TSEN15: variants seen among roughly 807,000 people sequenced by gnomAD.
The protein encoded by TSEN15 is tRNA splicing endonuclease subunit 15.
A neutral mutation model predicts 20.5 loss-of-function variants in TSEN15; 10 were observed. The observed-to-expected ratio is 0.49, with a 90% CI of 0.30 to 0.83. The LOEUF (loss-of-function observed/expected upper bound fraction) is 0.83, where lower values mean the gene tolerates loss of function less well. Among genes scored for constraint, TSEN15 ranks in the 40% least tolerant of loss-of-function variants. The probability of loss-of-function intolerance (pLI) is 0.06; values close to 1 mark genes in which losing one functional copy is unlikely to be tolerated. For missense variants in TSEN15, 180 were observed against 218.6 expected, an observed-to-expected ratio of 0.82 and a Z score of 1.11; for synonymous variants, 72 against 80.1, an observed-to-expected ratio of 0.90 and a Z score of 0.54.
chr1:184,086,728 T>A (rs1651268650), intron 3 of TSEN15, among the ~76,000 whole-genome samples: 1 of 151,542 alleles, frequency 6.6e-6, no homozygotes, highest in Non-Finnish European at 1.5e-5. Context: ...ATGACCAGAG[T>A]GAGAGAGAGG....
At chr1:184,071,241 A>G (rs1650871572) in intron 3 of TSEN15, 1 of 152,018 alleles carries the variant, frequency 6.6e-6, no homozygotes, top group African/African-American at 2.4e-5. Flanking sequence ...CACGTTAAGA[A>G]GTAACTTATA....
At chr1:184,060,201 C>A (rs1650400924) in intron 3 of TSEN15, among the ~76,000 whole-genome samples, 1 of 152,150 alleles carries the variant, frequency 6.6e-6, no homozygotes, top group Admixed American at 6.5e-5. Context: ...TATTTTTTGA[C>A]AGAAATAAGG....
chr1:184,058,180 T>C, intron 3 of TSEN15: 1 of 428,256 alleles, frequency 2.3e-6, no homozygotes, highest in Non-Finnish European at 4.7e-6. Context: ...AATGCTTTTC[T>C]AGCTTGAATG....
intron 3 of TSEN15, among the ~76,000 whole-genome samples, chr1:184,064,511 G>A (rs537268610): frequency 6.6e-6 from 1 of 152,002 alleles, no homozygotes; most frequent in Admixed American, 6.6e-5. Context: ...AAAAGGAGGG[G>A]AGGAAAGGAG....
intron 3 of TSEN15, among the ~76,000 whole-genome samples, chr1:184,082,622 C>T (rs1045843168): frequency 4.6e-5 from 7 of 152,078 alleles, no homozygotes; most frequent in Non-Finnish European, 8.8e-5. Context: ...GAGCGGAGGG[C>T]ACGGACCACA....
intron 3 of TSEN15, among the ~76,000 whole-genome samples, chr1:184,057,729 T>A (rs1396045973): frequency 2.0e-5 from 3 of 152,228 alleles, no homozygotes; most frequent in African/African-American, 7.2e-5. Context: ...CTATGAAGTA[T>A]TTTTTGTATT....
At chr1:184,065,661 C>T (rs1952257) in intron 3 of TSEN15, among the ~76,000 whole-genome samples, 105,048 of 152,026 alleles carry the variant, frequency 0.69, 36,838 homozygotes, top group African/African-American at 0.81. Flanking sequence ...ATATGTATCC[C>T]TGCTAGCATG....
At position 184,060,011 on chromosome 1, in the gene TSEN15, A is replaced by G. The variant is rs181801204; in HGVS notation, c.353+5148A>G. The stretch of plus-strand genomic sequence containing the variant: ...TGCATAACTGACAGGTTAATTTAGA[A>G]TTAGCTTCTGTGATTTCAGAAAAAA... On this transcript the variant is annotated intron_variant, in intron 3 of 4. Transcript: ENST00000645668. Among the ~76,000 whole-genome samples, 197 of 152,366 alleles carry G rather than the reference A, an allele frequency of 1.3e-3. 1 individual carries two copies. The highest frequency in any genetic ancestry group is 4.5e-3 in the African/African-American group (189 of 41,578).
In TSEN15 at chr1:184,051,767, C is replaced by G. The variant is rs1169621531; in HGVS notation, c.12C>G (p.Arg4=). The part of the protein sequence containing the change: MEE[R]GDSEPTPGCS... ...CCGCACCGGCCGGCATGGAGGAGCGCGGCGATTCCGAGCCGACCCCCGGCT... is the reference window on the plus strand; with the variant it reads ...CCGCACCGGCCGGCATGGAGGAGCGGGGCGATTCCGAGCCGACCCCCGGCT... The change falls in exon 1 of 5, where the codon CGC becomes CGG. Residue 4 remains arginine, a synonymous_variant. Coordinates refer to ENST00000645668, the MANE Select transcript of TSEN15 (RefSeq NM_052965.4). 3.3e-6 allele frequency: 5 copies of G among 1,497,038 alleles called. No individual in the cohort carries two copies. The allele number at this position is 1,497,038 out of a possible 1,614,324, so 92.7% of individuals were successfully genotyped here. A position where few individuals can be genotyped will look rare whatever the true frequency, so the allele number is the denominator to read the frequency against.
At chr1:184,054,082 C>T (rs560283896) in intron 1 of TSEN15, among the ~76,000 whole-genome samples, 46 of 152,314 alleles carry the variant, frequency 3.0e-4, no homozygotes, top group African/African-American at 9.9e-4. Flanking sequence ...TAGAGCTCTT[C>T]TGACCTGCTG....
chr1:184,072,121 C>A, intron 3 of TSEN15, 36 bp from the exon 4 acceptor site: 1 of 1,604,630 alleles, frequency 6.2e-7, no homozygotes, highest in Admixed American at 1.7e-5. Flanking sequence ...AATTGAGTGA[C>A]CGCAACTCCT....
At chr1:184,082,941 A>C (rs1651196192) in intron 3 of TSEN15, among the ~76,000 whole-genome samples, 2 of 152,202 alleles carry the variant, frequency 1.3e-5, no homozygotes. Flanking sequence ...AAAATATATC[A>C]GTTAATATAT....
At chr1:184,090,125 G>T (rs551919259) in intron 3 of TSEN15, among the ~76,000 whole-genome samples, 1 of 152,140 alleles carries the variant, frequency 6.6e-6, no homozygotes, top group Non-Finnish European at 1.5e-5. Flanking sequence ...TTTACAATGG[G>T]ATACTACTCA....
At chr1:184,065,327 G>C (rs1284901023) in intron 3 of TSEN15, among the ~76,000 whole-genome samples, 1 of 151,956 alleles carries the variant, frequency 6.6e-6, no homozygotes, top group Non-Finnish European at 1.5e-5. Flanking sequence ...GTGTTAGTAT[G>C]GTACATTTGT....
chr1:184,064,692 A>G (rs1572709246), intron 3 of TSEN15, among the ~76,000 whole-genome samples: 1 of 152,332 alleles, frequency 6.6e-6, no homozygotes, highest in Middle Eastern at 3.4e-3. Context: ...CCTGAAACAA[A>G]GGTGGGAAAA....
At chr1:184,055,060 G>T in intron 3 of TSEN15, 197 bp downstream of exon 3, 1 of 433,736 alleles carries the variant, frequency 2.3e-6, no homozygotes. Flanking sequence ...CTGAGACTGA[G>T]TAATTTCTTA....
At chr1:184,083,929 T>C (rs1651215510) in intron 3 of TSEN15, among the ~76,000 whole-genome samples, 1 of 152,156 alleles carries the variant, frequency 6.6e-6, no homozygotes, top group Non-Finnish European at 1.5e-5. Context: ...TCTACCCCTG[T>C]TAAAAACAAC....
At chr1:184,055,984 AATCTT>A (rs1210559340) in intron 3 of TSEN15, among the ~76,000 whole-genome samples, 2 of 152,144 alleles carry the variant, frequency 1.3e-5, no homozygotes, top group Non-Finnish European at 2.9e-5. Flanking sequence ...TTAATTAAAA[AATCTT>A]ATCTTTTAAG....
chr1:184,060,360 T>G (rs1181307698), intron 3 of TSEN15, among the ~76,000 whole-genome samples: 1 of 152,226 alleles, frequency 6.6e-6, no homozygotes, highest in Non-Finnish European at 1.5e-5. Flanking sequence ...AAGGCCAGAT[T>G]TTAGATCCAC....
Sources: allele counts gnomAD v4.1 joint callset (sites outside exome capture counted in the v4.1 genomes callset), GRCh38; gene constraint gnomAD v4.1.1; transcripts MANE v1.5; gene names NCBI Gene and HGNC (gene_info 2026-07-23, HGNC 2026-07-21).